Variants in MAN2A1 observed in about 807,000 individuals in gnomAD.
MAN2A1 encodes the protein alpha-mannosidase 2.
A neutral mutation model predicts 142.6 loss-of-function variants in MAN2A1; 76 were observed. The ratio of observed to expected loss-of-function variants is 0.53; its 90% CI spans 0.44 to 0.65. The LOEUF is 0.65. Ranked by LOEUF, MAN2A1 falls within the 30% of genes least tolerant of loss-of-function variation. The probability of loss-of-function intolerance (pLI) is 0.00; values close to 1 mark genes in which losing one functional copy is unlikely to be tolerated. For missense variants in MAN2A1, 1,311 were observed against 1,365.1 expected (o/e 0.96, Z 0.62); for synonymous variants, 559 against 473.2 (o/e 1.18, Z -2.35).
At chr5:109,822,304 C>T (rs575556754) in intron 15 of MAN2A1, among the ~76,000 whole-genome samples, 1 of 151,860 alleles carries the variant, frequency 6.6e-6, no homozygotes, top group East Asian at 1.9e-4. Context: ...TGTCATTGGA[C>T]ATTTTATTTT....
chr5:109,826,496 C>T lies in MAN2A1; in HGVS notation c.2566+2659C>T, dbSNP rs114889501. On this transcript the variant is annotated intron_variant, in intron 16 of 21. Transcript: ENST00000261483. The stretch of plus-strand genomic sequence containing the variant: ...CCAGAATCACCTGAAATGCTTTCTT[C>T]CAAACTATATACCTTCCCGTGTTTG... Among the ~76,000 whole-genome samples, 1,029 of 152,070 alleles carry T rather than the reference C, an allele frequency of 6.8e-3. 1 individual carries two copies. Among genetic ancestry groups the T allele is most frequent in the Non-Finnish European group, 0.011 (715 of 67,984 alleles).
intron 4 of MAN2A1, among the ~76,000 whole-genome samples, chr5:109,738,512 G>A (rs578245711): frequency 6.6e-6 from 1 of 152,138 alleles, no homozygotes; most frequent in East Asian, 1.9e-4. Context: ...CAGTCAGCTT[G>A]GTGGTTCTAA....
intron 20 of MAN2A1, chr5:109,863,828 T>C (rs1755814839): frequency 6.6e-6 from 1 of 152,206 alleles, no homozygotes; most frequent in South Asian, 2.1e-4. Context: ...TGATTTAAAA[T>C]TGCTGTGTGT....
chr5:109,784,723 A>C, intron 9 of MAN2A1, 21 bp from the exon 10 acceptor site: 1 of 1,525,400 alleles, frequency 6.6e-7, no homozygotes, highest in Non-Finnish European at 8.8e-7. Flanking sequence ...TAAAATAAAA[A>C]TATGACTTTT....
rs1398875960 is a variant in MAN2A1, at chr5:109,866,935, G to C, written c.3372G>C (p.Gln1124His). 1.9e-6 allele frequency: 3 copies of C among 1,612,572 alleles called. No homozygotes were observed. In the African/African-American group the frequency reaches 4.0e-5, roughly 22 times the overall value. Residue 1124 changes from glutamine (Q) to histidine (H), a missense_variant, in exon 22 of 22, where the codon CAG becomes CAC. Gln to His is a conservative substitution (Grantham distance 24). Coordinates refer to ENST00000261483, the MANE Select transcript of MAN2A1 (RefSeq NM_002372.4). ...TGATGCATTCACCTCCCGGCACTCA[G>C]AATATAAGTGAGATCAACTTGAGTC... is the stretch of plus-strand genomic sequence containing the variant. ...LSLMHSPPGT[Q>H]NISEINLSPM...
At chr5:109,842,915 C>T (rs1755249118) in intron 17 of MAN2A1, among the ~76,000 whole-genome samples, 1 of 150,120 alleles carries the variant, frequency 6.7e-6, no homozygotes, top group Admixed American at 6.7e-5. Flanking sequence ...AAGCGACTCT[C>T]CTGCCTCAGC....
chr5:109,863,993 T>C (rs1353501589), intron 20 of MAN2A1: 2 of 152,198 alleles, frequency 1.3e-5, no homozygotes, highest in African/African-American at 4.8e-5. Context: ...TTTAAACTGT[T>C]CAGGCACATT....
chr5:109,704,984 A>G (rs905278942), intron 1 of MAN2A1, among the ~76,000 whole-genome samples: 1 of 152,172 alleles, frequency 6.6e-6, no homozygotes, highest in Middle Eastern at 3.4e-3. Flanking sequence ...TTGCATGTTC[A>G]CTGACACCAC....
intron 10 of MAN2A1, among the ~76,000 whole-genome samples, chr5:109,788,336 A>C (rs962021020): frequency 6.0e-5 from 9 of 151,200 alleles, no homozygotes; most frequent in Non-Finnish European, 3.0e-5. Flanking sequence ...TAGACATAAA[A>C]ATACAATTTG....
chr5:109,827,720 G>T (rs189670268), intron 16 of MAN2A1, among the ~76,000 whole-genome samples: 2 of 151,974 alleles, frequency 1.3e-5, no homozygotes. Flanking sequence ...TTCAGACATC[G>T]CATTCAAAAG....
chr5:109,789,270 A>G (rs1380116933), intron 11 of MAN2A1, among the ~76,000 whole-genome samples, 190 bp from the exon 12 acceptor site: 1 of 151,828 alleles, frequency 6.6e-6, no homozygotes, highest in Non-Finnish European at 1.5e-5. Flanking sequence ...TACTATTAAG[A>G]TGTTAGTAAG....
chr5:109,853,987 G>A (rs1755546581), intron 19 of MAN2A1: 1 of 151,928 alleles, frequency 6.6e-6, no homozygotes, highest in African/African-American at 2.4e-5. Context: ...CACGATGCTA[G>A]TCACTTTTTG....
rs374060895 is a variant in MAN2A1 at position 109,848,460 on chromosome 5, A to T, written c.2976+670A>T. Among the ~76,000 whole-genome samples the T allele has an allele frequency of 3.9e-5, 6 of 152,160 alleles. No homozygotes were observed. The East Asian group carries it at 5.8e-4, about 15-fold the overall frequency. On this transcript the variant is annotated intron_variant, in intron 19 of 21. Transcript: ENST00000261483. ...CTCCTTTCTGCACCTGACCATTGCA[A>T]GTCCTTTCTGCTCTTTTCAGCCAGT... is the stretch of plus-strand genomic sequence containing the variant.
In MAN2A1 at chr5:109,784,754, A is replaced by G. The variant is rs187845700; in HGVS notation, c.1588A>G (p.Ile530Val). The change falls in exon 10 of 22, where the codon ATT (isoleucine) becomes GTT (valine). Residue 530 changes from isoleucine to valine, a missense_variant. Physicochemically the swap from Ile to Val is conservative, Grantham distance 29 (BLOSUM62 3). Around this residue, in one of 3 missense-constraint regions of MAN2A1, gnomAD observed 890 missense variants for 920.5 expected, o/e 0.97. Transcript: ENST00000261483. ...IMESHLRAAE[I>V]LYYFALRQAH... ...CTTTTATGCAATTAGGGCTGCTGAA[A>G]TTCTTTACTATTTCGCCCTGAGACA... The G allele has an allele frequency of 6.3e-7, 1 of 1,592,902 alleles. No homozygotes were observed. The highest frequency in any genetic ancestry group is 1.4e-5 in the African/African-American group (1 of 73,840).
chr5:109,706,316 G>T (rs17162095), intron 1 of MAN2A1, among the ~76,000 whole-genome samples: 8,376 of 152,178 alleles, frequency 0.055, 227 homozygotes, highest in Non-Finnish European at 0.064. Context: ...ATCTGGAGGT[G>T]CATATTGTAG....
intron 4 of MAN2A1, among the ~76,000 whole-genome samples, chr5:109,738,872 T>A (rs1228956129): frequency 3.9e-5 from 6 of 151,976 alleles, no homozygotes; most frequent in Admixed American, 3.9e-4. Context: ...TGAAACAGGG[T>A]CCCACTCTGT....
rs1265263518 is a variant in MAN2A1 at position 109,851,722 on chromosome 5, A to G, written c.2977-3418A>G. 2.6e-5 allele frequency among the ~76,000 whole-genome samples: 4 copies of G among 152,130 alleles called. No individual in the cohort carries two copies. The East Asian group carries it at 7.7e-4, about 29-fold the overall frequency. On this transcript the variant is annotated intron_variant, in intron 19 of 21. Coordinates refer to ENST00000261483, the MANE Select transcript of MAN2A1 (RefSeq NM_002372.4). Reference sequence around the variant, plus strand: ...GACGGCTTTAGGATTTGTTTCTTTGACGGTTTATCCTTACCCCTTTCCTGC... The same window carrying G: ...GACGGCTTTAGGATTTGTTTCTTTGGCGGTTTATCCTTACCCCTTTCCTGC...
intron 4 of MAN2A1, among the ~76,000 whole-genome samples, chr5:109,731,851 A>C (rs895544234): frequency 1.6e-4 from 24 of 148,590 alleles, no homozygotes; most frequent in African/African-American, 5.8e-4. Flanking sequence ...TAGCAGCATG[A>C]TTTATAGTCC....
At chr5:109,823,058 TA>T (rs1754669736) in intron 15 of MAN2A1, among the ~76,000 whole-genome samples, 2 of 152,196 alleles carry the variant, frequency 1.3e-5, no homozygotes, top group African/African-American at 4.8e-5. Flanking sequence ...TCTAATACTT[TA>T]AAAATATAAT....
Sources: allele counts gnomAD v4.1 joint callset (sites outside exome capture counted in the v4.1 genomes callset), GRCh38; gene constraint gnomAD v4.1.1; regional missense constraint gnomAD v4.1.1; transcripts MANE v1.5; gene names NCBI Gene and HGNC (gene_info 2026-07-23, HGNC 2026-07-21).